The following GRID1 variants were observed in gnomAD, a reference collection of about 807,000 sequenced individuals.
GRID1 encodes the protein glutamate receptor ionotropic, delta-1.
In GRID1, 28 loss-of-function variants were observed where a neutral mutation model predicts 98.0. The observed-to-expected ratio is 0.29, with a 90% CI of 0.21 to 0.39. GRID1 has a LOEUF of 0.39. GRID1 is among the 10% of genes least tolerant of loss of function. The pLI is 1.00. For missense variants in GRID1, 1,111 were observed against 1,340.5 expected (o/e 0.83, Z 2.67); for synonymous variants, 553 against 538.5 (o/e 1.03, Z -0.37).
chr10:85,917,460 G>A (rs566192824), intron 4 of GRID1, among the ~76,000 whole-genome samples: 21 of 152,044 alleles, frequency 1.4e-4, no homozygotes, highest in Admixed American at 3.3e-4. Context: ...AGTTACCTCC[G>A]CAAGTAAATA....
chr10:85,738,764 C>T (rs751232437), intron 8 of GRID1, among the ~76,000 whole-genome samples: 5 of 152,124 alleles, frequency 3.3e-5, no homozygotes, highest in Non-Finnish European at 4.4e-5. Flanking sequence ...GCGTGCTTTA[C>T]GATGCTGTTA....
At chr10:86,213,993 A>G (rs530146631) in intron 2 of GRID1, among the ~76,000 whole-genome samples, 1 of 152,106 alleles carries the variant, frequency 6.6e-6, no homozygotes, top group Non-Finnish European at 1.5e-5. Context: ...CCTCCACTCC[A>G]CTGCCATCAC....
intron 8 of GRID1, among the ~76,000 whole-genome samples, chr10:85,838,276 G>A (rs922750020): frequency 6.6e-6 from 1 of 152,166 alleles, no homozygotes; most frequent in Admixed American, 6.5e-5. Flanking sequence ...AACCTAGCTA[G>A]AGAGGTTAAC....
chr10:85,966,609 T>A (rs1842339571), intron 4 of GRID1, among the ~76,000 whole-genome samples: 1 of 151,620 alleles, frequency 6.6e-6, no homozygotes, highest in East Asian at 1.9e-4. Context: ...AGGTCAGGAG[T>A]TTGAGACCAG....
chr10:85,927,972 C>T (rs773888978), intron 4 of GRID1, among the ~76,000 whole-genome samples: 5 of 152,142 alleles, frequency 3.3e-5, no homozygotes, highest in Non-Finnish European at 5.9e-5. Flanking sequence ...GAGCTTAAAG[C>T]GTTTAGAAAG....
rs1379078131 is a variant in GRID1, at chr10:85,602,236, G to C, written c.*37C>G. ...TGTATTAAAAAGCTCTGCTGGTCGG[G>C]TGGGTGGGAGGGTGGGCAGGAGGGC... On this transcript the variant is annotated 3_prime_UTR_variant, in exon 16 of 16. Transcript: ENST00000327946. 2.2e-6 allele frequency: 3 copies of C among 1,339,450 alleles called. No homozygotes were observed. Among genetic ancestry groups the C allele is most frequent in the African/African-American group, 3.0e-5 (2 of 67,382 alleles). 83.0% of individuals were successfully genotyped at this position (1,339,450 alleles called of 1,614,324 possible). A position where few individuals can be genotyped will look rare whatever the true frequency, so the allele number is the denominator to read the frequency against.
intron 5 of GRID1, among the ~76,000 whole-genome samples, chr10:85,912,425 T>C (rs1346971845): frequency 2.0e-5 from 3 of 152,180 alleles, no homozygotes; most frequent in Non-Finnish European, 4.4e-5. Context: ...ACCAGGTCTG[T>C]AATACGTAGC....
rs1248332252 is a variant in GRID1 at position 85,601,178 on chromosome 10, T to G, written c.*1095A>C. ...CAGCATGCCCCATCACCTGGAGTACTGGTCCACCCACCTGGGCACCTCCCC... is the reference window on the plus strand; with the variant it reads ...CAGCATGCCCCATCACCTGGAGTACGGGTCCACCCACCTGGGCACCTCCCC... On this transcript the variant is annotated 3_prime_UTR_variant, in exon 16 of 16. Transcript: ENST00000327946. 6.6e-6 allele frequency: 1 copy of G among 152,382 alleles called. No individual in the cohort carries two copies. The highest frequency in any genetic ancestry group is 1.5e-5 in the Non-Finnish European group (1 of 68,352). 9.4% of individuals were successfully genotyped at this position (152,382 alleles called of 1,614,324 possible). A position where few individuals can be genotyped will look rare whatever the true frequency, so the allele number is the denominator to read the frequency against.
chr10:86,124,817 G>A (rs1376182088), intron 4 of GRID1, among the ~76,000 whole-genome samples: 1 of 152,162 alleles, frequency 6.6e-6, no homozygotes, highest in African/African-American at 2.4e-5. Context: ...GTGCCCTATA[G>A]TCATACAGGG....
At chr10:86,080,162 C>T (rs577895330) in intron 4 of GRID1, among the ~76,000 whole-genome samples, 127 of 151,806 alleles carry the variant, frequency 8.4e-4, no homozygotes, top group African/African-American at 2.9e-3. Flanking sequence ...GGTGAAACCC[C>T]GTCTCTACTA....
intron 8 of GRID1, among the ~76,000 whole-genome samples, chr10:85,791,955 TAA>T (rs1842484714): frequency 6.6e-6 from 1 of 151,758 alleles, no homozygotes; most frequent in South Asian, 2.1e-4. Context: ...GTGTCAGAAA[TAA>T]GAGAAGCAGC....
intron 6 of GRID1, among the ~76,000 whole-genome samples, chr10:85,857,312 C>T (rs371019579): frequency 9.9e-5 from 15 of 152,258 alleles, no homozygotes; most frequent in African/African-American, 2.6e-4. Context: ...GTGTGAAGAA[C>T]GACACTACAG....
intron 5 of GRID1, among the ~76,000 whole-genome samples, chr10:85,913,568 T>C (rs377471325): frequency 6.6e-5 from 10 of 152,224 alleles, no homozygotes; most frequent in South Asian, 6.2e-4. Context: ...GGAGGGCAGA[T>C]CACTTGAGGT....
intron 5 of GRID1, among the ~76,000 whole-genome samples, chr10:85,869,383 T>C (rs906760904): frequency 3.9e-5 from 6 of 152,216 alleles, no homozygotes; most frequent in Non-Finnish European, 8.8e-5. Flanking sequence ...TAGTCAACAT[T>C]TTCCCTGAAG....
At chr10:86,338,548 A>G (rs927821100) in intron 2 of GRID1, among the ~76,000 whole-genome samples, 1 of 152,130 alleles carries the variant, frequency 6.6e-6, no homozygotes, top group Non-Finnish European at 1.5e-5. Context: ...CTCCCACCTA[A>G]GAGTCCACAG....
rs1420721136 is a variant in GRID1, at chr10:86,032,827, C to T, written c.726+105992G>A. The stretch of plus-strand genomic sequence containing the variant: ...AACACCCAAGAATGATCAATAAATA[C>T]TTAAAAAAAAAAAAAAAAAAAGAGT... On this transcript the variant is annotated intron_variant, in intron 4 of 15. Transcript: ENST00000327946. Among the ~76,000 whole-genome samples, 7 of 72,734 alleles carry T rather than the reference C, an allele frequency of 9.6e-5. No individual in the cohort carries two copies. In the South Asian group the frequency reaches 1.9e-3, roughly 20 times the overall value. The allele number at this position is 72,734 out of a possible 152,430, so 47.7% of individuals were successfully genotyped here.
intron 8 of GRID1, among the ~76,000 whole-genome samples, chr10:85,769,906 A>G (rs1332771635): frequency 6.6e-6 from 1 of 152,240 alleles, no homozygotes; most frequent in Non-Finnish European, 1.5e-5. Flanking sequence ...GGGCACAGAC[A>G]AACAAAAACA....
chr10:85,856,853 G>T (rs1356927557), intron 6 of GRID1, among the ~76,000 whole-genome samples: 5 of 152,244 alleles, frequency 3.3e-5, no homozygotes, highest in African/African-American at 1.2e-4. Flanking sequence ...AGTTCAAGAC[G>T]ACTGTGTCAA....
chr10:85,733,516 T>A (rs1252712123), intron 8 of GRID1, among the ~76,000 whole-genome samples: 2 of 152,236 alleles, frequency 1.3e-5, no homozygotes, highest in Non-Finnish European at 2.9e-5. Flanking sequence ...TGACCTCAGA[T>A]AGCACTTGAC....
Sources: gnomAD v4.1 joint callset for allele counts (sites outside exome capture counted in the v4.1 genomes callset) on GRCh38, gnomAD v4.1.1 for gene constraint, MANE v1.5 for transcripts, NCBI Gene and HGNC (gene_info 2026-07-23, HGNC 2026-07-21) for gene names.